The following AFAP1 variants were observed in gnomAD, a reference collection of about 807,000 sequenced individuals.
The protein encoded by AFAP1 is actin filament-associated protein 1.
AFAP1 carries 75 observed loss-of-function variants against 93.9 expected under a neutral mutation model. That is an observed-to-expected ratio of 0.80 (90% CI 0.66 to 0.97). The LOEUF (loss-of-function observed/expected upper bound fraction) is 0.97. Among genes scored for constraint, AFAP1 ranks in the 50% least tolerant of loss-of-function variants. The pLI, the probability that AFAP1 is intolerant of heterozygous loss-of-function variation, is 0.00. For synonymous variants in AFAP1, 517 were observed against 430.7 expected, an observed-to-expected ratio of 1.20 and a Z score of -2.48; for missense variants, 1,201 against 1,050.8, an observed-to-expected ratio of 1.14 and a Z score of -1.98.
At chr4:7,841,089 C>T (rs899003567) in intron 5 of AFAP1, among the ~76,000 whole-genome samples, 24 of 152,186 alleles carry the variant, frequency 1.6e-4, no homozygotes, top group African/African-American at 4.8e-4. Context: ...TCCTAGCAGG[C>T]GGGATTTCCT....
intron 9 of AFAP1, among the ~76,000 whole-genome samples, chr4:7,800,970 A>G (rs1718968123): frequency 6.6e-6 from 1 of 152,224 alleles, no homozygotes. Context: ...GTGAGAAGTT[A>G]GCAAGCCATC....
At chr4:7,903,673 T>C (rs1719242850) in intron 1 of AFAP1, among the ~76,000 whole-genome samples, 1 of 151,970 alleles carries the variant, frequency 6.6e-6, no homozygotes, top group Non-Finnish European at 1.5e-5. Context: ...AGCAAGACTG[T>C]GTCTCAAAAA....
Position 7,800,468 on chromosome 4 carries a change from T to C in AFAP1, c.1240A>G (p.Asn414Asp), listed in dbSNP as rs1236856948. Residue 414 changes from asparagine to aspartate, a missense_variant, in exon 10 of 18, where the codon AAC becomes GAC. Physicochemically the swap from Asn to Asp is conservative, Grantham distance 23. Transcript: ENST00000420658. ...TCCAATACTGCAACCTCCTGGCCGT[T>C]GCGCAGCAGCCGGAACGTCAGAGGA... ...KHPLTFRLLR[N>D]GQEVAVLEAS... is the part of the protein sequence containing the mutation. 2 of 1,614,168 alleles carry C rather than the reference T, an allele frequency of 1.2e-6. No individual in the cohort carries two copies. Among genetic ancestry groups the C allele is most frequent in the Admixed American group, 1.7e-5 (1 of 60,020 alleles).
intron 11 of AFAP1, among the ~76,000 whole-genome samples, chr4:7,787,166 G>T (rs966961624): frequency 3.3e-5 from 5 of 152,220 alleles, no homozygotes; most frequent in African/African-American, 1.2e-4. Context: ...ATTACGGCTG[G>T]AACTTTCCAT....
chr4:7,783,326 G>C (rs777691328), intron 12 of AFAP1, among the ~76,000 whole-genome samples: 1 of 152,156 alleles, frequency 6.6e-6, no homozygotes, highest in African/African-American at 2.4e-5. Flanking sequence ...TTTTAGTAGA[G>C]ACAGGGTTTC....
At chr4:7,906,978 G>C (rs377680229) in intron 1 of AFAP1, among the ~76,000 whole-genome samples, 6 of 147,480 alleles carry the variant, frequency 4.1e-5, no homozygotes, top group African/African-American at 1.3e-4. Flanking sequence ...CTCCAGCCTG[G>C]GTGACAAAAG....
At chr4:7,793,588 G>C in intron 11 of AFAP1, 93 bp downstream of exon 11, 1 of 1,295,438 alleles carries the variant, frequency 7.7e-7, no homozygotes, top group South Asian at 2.4e-5. Context: ...TTTCTTCTGG[G>C]TCTATATCCT....
intron 1 of AFAP1, among the ~76,000 whole-genome samples, chr4:7,936,715 G>A (rs1263020008): frequency 2.0e-5 from 3 of 151,904 alleles, no homozygotes; most frequent in Admixed American, 6.6e-5. Flanking sequence ...CCGAGTAGCT[G>A]GGACAACAGG....
chr4:7,844,986 A>G (rs1713514465), intron 4 of AFAP1, among the ~76,000 whole-genome samples: 1 of 152,242 alleles, frequency 6.6e-6, no homozygotes, highest in South Asian at 2.1e-4. Flanking sequence ...ACAGAAGAGA[A>G]CTCATATTTT....
intron 1 of AFAP1, among the ~76,000 whole-genome samples, chr4:7,888,323 G>T (rs983853413): frequency 3.3e-5 from 5 of 152,176 alleles, no homozygotes; most frequent in African/African-American, 1.2e-4. Context: ...CACCCCTTCT[G>T]TTATAAATAC....
At chr4:7,823,154 G>C (rs1221027845) in intron 6 of AFAP1, among the ~76,000 whole-genome samples, 1 of 151,946 alleles carries the variant, frequency 6.6e-6, no homozygotes, top group Non-Finnish European at 1.5e-5. Context: ...AGAGGCCTGT[G>C]TCTCCTACTA....
intron 4 of AFAP1, among the ~76,000 whole-genome samples, chr4:7,851,742 A>C (rs971769625): frequency 1.3e-5 from 2 of 152,176 alleles, no homozygotes; most frequent in African/African-American, 4.8e-5. Flanking sequence ...CCTACCTGCC[A>C]ACAGCAGACG....
intron 9 of AFAP1, among the ~76,000 whole-genome samples, chr4:7,807,478 C>T (rs969672009): frequency 1.3e-5 from 2 of 152,202 alleles, no homozygotes; most frequent in Non-Finnish European, 2.9e-5. Flanking sequence ...GCCCTTTCAG[C>T]TCTAGCCTTA....
chr4:7,863,133 A>C (rs1226792366), intron 3 of AFAP1, among the ~76,000 whole-genome samples: 17 of 152,196 alleles, frequency 1.1e-4, no homozygotes, highest in Admixed American at 1.1e-3. Flanking sequence ...ATCTTTTGAA[A>C]AGCCAGGCGC....
At position 7,939,743 on chromosome 4, in the gene AFAP1, G is replaced by C. The variant is rs1025427048; in HGVS notation, c.-90C>G. 7 of 409,040 alleles carry C rather than the reference G, an allele frequency of 1.7e-5. No homozygotes were observed. The highest frequency in any genetic ancestry group is 1.3e-4 in the African/African-American group (6 of 45,572). 25.3% of individuals were successfully genotyped at this position (409,040 alleles called of 1,614,324 possible). On this transcript the variant is annotated 5_prime_UTR_variant, in exon 1 of 18. Transcript: ENST00000420658. This position sits in a 1 kb window ranked among gnomAD's most constrained non-coding sequence, Gnocchi z 5.6. The stretch of plus-strand genomic sequence containing the variant: ...CTGAACAGCCGACAGAGCCGCAGCC[G>C]CCTTAACAATGGAGCCCCGGGGCGG...
chr4:7,856,666 A>G (rs1055005265), intron 3 of AFAP1, among the ~76,000 whole-genome samples: 2 of 152,200 alleles, frequency 1.3e-5, no homozygotes, highest in African/African-American at 4.8e-5. Context: ...CCTGGCCTTC[A>G]GGACTGTGCT....
At chr4:7,901,341 T>C (rs915643982) in intron 1 of AFAP1, among the ~76,000 whole-genome samples, 2 of 152,184 alleles carry the variant, frequency 1.3e-5, no homozygotes, top group Admixed American at 1.3e-4. Context: ...TATCACATAC[T>C]TTTCCATACT....
At chr4:7,781,751 GCA>G (rs1231987985) in intron 12 of AFAP1, 124 bp from the exon 13 acceptor site, 604 of 1,195,258 alleles carry the variant, frequency 5.1e-4, no homozygotes, top group Non-Finnish European at 6.3e-4. Flanking sequence ...ACACTCTCCT[GCA>G]CACAGACTGC....
intron 6 of AFAP1, among the ~76,000 whole-genome samples, chr4:7,829,621 A>AAT (rs1491511100): frequency 2.0e-5 from 3 of 152,246 alleles, no homozygotes; most frequent in Non-Finnish European, 4.4e-5. Flanking sequence ...AAAAATACTC[A>AAT]GTGTCATTCA....
Sources: allele counts gnomAD v4.1 joint callset (sites outside exome capture counted in the v4.1 genomes callset), GRCh38; gene constraint gnomAD v4.1.1; non-coding constraint Gnocchi (gnomAD v3.1); transcripts MANE v1.5; gene names NCBI Gene and HGNC (gene_info 2026-07-23, HGNC 2026-07-21).